The following PAK5 variants were observed in gnomAD, a reference collection of about 807,000 sequenced individuals.
PAK5 encodes p21 (RAC1) activated kinase 5.
A neutral mutation model predicts 65.9 loss-of-function variants in PAK5; 16 were observed. The ratio of observed to expected loss-of-function variants is 0.24; its 90% CI spans 0.16 to 0.37. The LOEUF is 0.37. Among genes scored for constraint, PAK5 ranks in the 10% least tolerant of loss-of-function variants. PAK5 has a pLI of 1.00. For synonymous variants in PAK5, 371 were observed against 354.9 expected (o/e 1.05, Z -0.51); for missense variants, 785 against 903.9 (o/e 0.87, Z 1.69).
intron 3 of PAK5, among the ~76,000 whole-genome samples, chr20:9,636,908 C>T (rs1398127850): frequency 6.6e-6 from 1 of 152,172 alleles, no homozygotes; most frequent in Admixed American, 6.5e-5. Context: ...AACTTTTTGT[C>T]TCAGGAACCT....
chr20:9,755,328 A>G (rs1222753540), intron 1 of PAK5, among the ~76,000 whole-genome samples: 1 of 152,212 alleles, frequency 6.6e-6, no homozygotes, highest in Non-Finnish European at 1.5e-5. Context: ...CACTTTGAAA[A>G]CATCAAGTCT....
chr20:9,795,643 T>G (rs1175160933), intron 1 of PAK5, among the ~76,000 whole-genome samples: 2 of 152,172 alleles, frequency 1.3e-5, no homozygotes, highest in Non-Finnish European at 2.9e-5. Flanking sequence ...TGTATTACAC[T>G]TTAAATCTTC....
intron 1 of PAK5, among the ~76,000 whole-genome samples, chr20:9,802,338 T>C (rs1246620854): frequency 6.6e-6 from 1 of 152,000 alleles, no homozygotes; most frequent in Non-Finnish European, 1.5e-5. Flanking sequence ...ATTGCAGTGA[T>C]TGGAAGAAGA....
intron 2 of PAK5, among the ~76,000 whole-genome samples, chr20:9,659,534 A>C (rs2123326566): frequency 6.6e-6 from 1 of 152,310 alleles, no homozygotes; most frequent in East Asian, 1.9e-4. Context: ...GGTAGAAATA[A>C]GTTGTCAAGC....
intron 1 of PAK5, among the ~76,000 whole-genome samples, chr20:9,806,189 AT>A (rs2049230984): frequency 6.6e-6 from 1 of 151,984 alleles, no homozygotes; most frequent in African/African-American, 2.4e-5. Context: ...GGGTTTCACC[AT>A]GTTGGCCAGG....
chr20:9,679,457 A>C (rs1377299812), intron 2 of PAK5, among the ~76,000 whole-genome samples: 1 of 152,116 alleles, frequency 6.6e-6, no homozygotes, highest in Non-Finnish European at 1.5e-5. Flanking sequence ...TCTTGAGAAC[A>C]TTTTATGTCT....
rs796637907 is a variant in PAK5, at chr20:9,581,504, G to A, written c.205-574C>T. Among the ~76,000 whole-genome samples the A allele has an allele frequency of 4.4e-4, 67 of 152,258 alleles. 1 individual carries two copies. The highest frequency in any genetic ancestry group is 1.6e-3 in the African/African-American group (65 of 41,552). On this transcript the variant is annotated intron_variant, in intron 3 of 9. Transcript: ENST00000353224. ...TTTATGGATGAGGCAGGCACTTCCTGAAACTGTAATTAGGAAACAGACTGA... is the reference window on the plus strand; with the variant it reads ...TTTATGGATGAGGCAGGCACTTCCTAAAACTGTAATTAGGAAACAGACTGA...
chr20:9,627,909 G>A (rs1430194147), intron 3 of PAK5, among the ~76,000 whole-genome samples: 1 of 152,188 alleles, frequency 6.6e-6, no homozygotes, highest in Non-Finnish European at 1.5e-5. Context: ...TTATAGGCAT[G>A]AGCCATTGCG....
Position 9,635,878 on chromosome 20 carries a change from A to G in PAK5, c.204+8247T>C, listed in dbSNP as rs149248303. On this transcript the variant is annotated intron_variant, in intron 3 of 9. Coordinates refer to ENST00000353224, the MANE Select transcript of PAK5 (RefSeq NM_177990.4). Reference sequence around the variant, plus strand: ...AGAAGAGACCTGTTAAGGGAGCCAGAAAAGTCATGAGGGGGCAGCCCCAGC... The same window carrying G: ...AGAAGAGACCTGTTAAGGGAGCCAGGAAAGTCATGAGGGGGCAGCCCCAGC... Among the ~76,000 whole-genome samples the G allele has an allele frequency of 4.2e-3, 637 of 152,334 alleles. 3 individuals carry two copies. Among genetic ancestry groups the G allele is most frequent in the African/African-American group, 0.015 (619 of 41,568 alleles).
chr20:9,611,994 C>A (rs1399286997), intron 3 of PAK5, among the ~76,000 whole-genome samples: 2 of 152,170 alleles, frequency 1.3e-5, no homozygotes, highest in African/African-American at 4.8e-5. Flanking sequence ...TCTAGGGAGC[C>A]GTCCTGAAAA....
chr20:9,626,341 G>T (rs1392056553), intron 3 of PAK5, among the ~76,000 whole-genome samples: 1 of 152,142 alleles, frequency 6.6e-6, no homozygotes, highest in Non-Finnish European at 1.5e-5. Flanking sequence ...ATATGCCAAG[G>T]TACCCCAGGG....
intron 2 of PAK5, among the ~76,000 whole-genome samples, chr20:9,703,424 C>T (rs986559542): frequency 6.6e-6 from 1 of 151,984 alleles, no homozygotes; most frequent in African/African-American, 2.4e-5. Flanking sequence ...AGAGCTATTC[C>T]TTTTCTATGA....
chr20:9,800,832 A>G (rs868682611), intron 1 of PAK5, among the ~76,000 whole-genome samples: 2 of 151,870 alleles, frequency 1.3e-5, no homozygotes, highest in South Asian at 2.1e-4. Flanking sequence ...ATCTCCCCCA[A>G]CTAAGGAGTT....
intron 6 of PAK5, among the ~76,000 whole-genome samples, chr20:9,558,900 G>A (rs1038099376): frequency 1.3e-5 from 2 of 152,196 alleles, no homozygotes; most frequent in South Asian, 2.1e-4. Context: ...AGAGGGGGAG[G>A]GGGAAGTCAG....
intron 2 of PAK5, among the ~76,000 whole-genome samples, chr20:9,670,487 C>CA (rs2047481252): frequency 6.6e-6 from 1 of 152,084 alleles, no homozygotes; most frequent in Non-Finnish European, 1.5e-5. Context: ...GATGGTATTT[C>CA]ACTGTGGTTT....
intron 3 of PAK5, among the ~76,000 whole-genome samples, chr20:9,627,087 T>A (rs767218819): frequency 6.6e-6 from 1 of 152,194 alleles, no homozygotes; most frequent in Non-Finnish European, 1.5e-5. Flanking sequence ...TTTTTAGAAA[T>A]AACTCTCAAA....
chr20:9,818,466 T>C (rs1406663770), intron 1 of PAK5, among the ~76,000 whole-genome samples: 1 of 152,192 alleles, frequency 6.6e-6, no homozygotes, highest in Non-Finnish European at 1.5e-5. Context: ...TTTACTCTGC[T>C]TTAACGAATA....
At chr20:9,574,467 C>T (rs781505308) in intron 4 of PAK5, among the ~76,000 whole-genome samples, 1 of 152,180 alleles carries the variant, frequency 6.6e-6, no homozygotes, top group Non-Finnish European at 1.5e-5. Flanking sequence ...GATCCGTCAT[C>T]GCCTGCAGTG....
At chr20:9,700,992 C>T (rs979955104) in intron 2 of PAK5, among the ~76,000 whole-genome samples, 1 of 152,072 alleles carries the variant, frequency 6.6e-6, no homozygotes, top group Non-Finnish European at 1.5e-5. Flanking sequence ...GGCCCACATT[C>T]CCATAGAGCA....
Sources: gnomAD v4.1 joint callset for allele counts (sites outside exome capture counted in the v4.1 genomes callset) on GRCh38, gnomAD v4.1.1 for gene constraint, MANE v1.5 for transcripts, NCBI Gene and HGNC (gene_info 2026-07-23, HGNC 2026-07-21) for gene names.